The following COX7C variants were observed in gnomAD, a reference collection of about 807,000 sequenced individuals.
COX7C encodes the protein cytochrome c oxidase subunit 7C.
A neutral mutation model predicts 6.4 loss-of-function variants in COX7C; 1 was observed. The ratio of observed to expected loss-of-function variants is 0.16; its 90% confidence interval spans 0.06 to 0.74. COX7C has a LOEUF of 0.74. Ranked by LOEUF, COX7C falls within the 30% of genes least tolerant of loss-of-function variation. COX7C has a pLI of 0.78. For synonymous variants in COX7C, 24 were observed against 28.9 expected, an observed-to-expected ratio of 0.83 and a Z score of 0.54; for missense variants, 54 against 73.7, an observed-to-expected ratio of 0.73 and a Z score of 0.98.
At chr5:86,620,566 GTAC>G in intron 2 of COX7C, 99 bp from the exon 3 acceptor site, 1 of 365,624 alleles carries the variant, frequency 2.7e-6, no homozygotes, top group Non-Finnish European at 5.9e-6. Flanking sequence ...GCTTTCTGAT[GTAC>G]TACTCAAACT....
chr5:86,619,594 G>A (rs1750077470), intron 2 of COX7C, 98 bp downstream of exon 2: 15 of 700,250 alleles, frequency 2.1e-5, no homozygotes, highest in Non-Finnish European at 3.1e-5. Flanking sequence ...TTGTTGTGTA[G>A]GGCTGATTCC....
intron 2 of COX7C, chr5:86,619,702 T>G (rs1254924104): frequency 1.9e-5 from 8 of 426,390 alleles, no homozygotes; most frequent in Admixed American, 3.7e-5. Context: ...CTACTGCTTA[T>G]CAGGTACACT....
At chr5:86,618,407 C>G (rs189254918) in intron 1 of COX7C, 3 of 436,910 alleles carry the variant, frequency 6.9e-6, no homozygotes, top group Non-Finnish European at 8.4e-6. Context: ...GAGATGGCTC[C>G]GGGAGGCCAC....
rs1750105423 is a variant in COX7C at position 86,620,844 on chromosome 5, G to T, written c.*204G>T. 5.0e-6 allele frequency: 1 copy of T among 201,008 alleles called. No homozygotes were observed. Among genetic ancestry groups the T allele is most frequent in the Non-Finnish European group, 1.1e-5 (1 of 91,766 alleles). The allele number at this position is 201,008 out of a possible 1,614,324, so 12.5% of individuals were successfully genotyped here. On this transcript the variant is annotated 3_prime_UTR_variant, in exon 3 of 3. Coordinates refer to ENST00000247655, the MANE Select transcript of COX7C (RefSeq NM_001867.3). ...ACTTTATTATTTGGGTAACATTCCA[G>T]TATTACTCTCTGTGATTTAGCTTAT...
intron 2 of COX7C, chr5:86,619,774 A>G: frequency 4.1e-6 from 1 of 245,960 alleles, no homozygotes; most frequent in Non-Finnish European, 8.0e-6. Flanking sequence ...ACCCCATCTG[A>G]GACACAGAGA....
intron 1 of COX7C, 33 bp downstream of exon 1, chr5:86,618,163 G>A: frequency 1.2e-6 from 2 of 1,607,500 alleles, no homozygotes; most frequent in Admixed American, 1.7e-5. Context: ...TTCGTTGGGG[G>A]AGGGGGCGCT....
chr5:86,619,764 A>C, intron 2 of COX7C: 1 of 258,278 alleles, frequency 3.9e-6, no homozygotes, highest in Non-Finnish European at 7.6e-6. Flanking sequence ...GATGATAGTA[A>C]CCCCATCTGA....
In COX7C at chr5:86,618,293, TG is replaced by T. The variant is rs775357645; in HGVS notation, c.75+166del. On this transcript the variant is annotated intron_variant, in intron 1 of 2. Transcript: ENST00000247655. ...TTAGCCCAAGGACCAGTGAGGAAGC[TG>T]GGCATCCTAGCGCGTAGCCGCTAAA... 9.6e-5 allele frequency: 63 copies of T among 657,292 alleles called. 1 individual carries two copies. The highest frequency in any genetic ancestry group is 1.7e-4 in the Non-Finnish European group (62 of 373,620). The allele number at this position is 657,292 out of a possible 1,614,324, so 40.7% of individuals were successfully genotyped here.
chr5:86,618,978 CAAAAAAAAAA>C lies in COX7C; in HGVS notation c.76-369_76-360del, dbSNP rs368187717. 1.1e-3 allele frequency among the ~76,000 whole-genome samples: 69 copies of C among 62,458 alleles called. No homozygotes were observed. The South Asian group carries it at 0.019, about 17-fold the overall frequency. The allele number at this position is 62,458 out of a possible 152,430, so 41.0% of individuals were successfully genotyped here. ...GCCTGGACAGAGCGGGACTCCGTCT[CAAAAAAAAAA>C]AAAAAGAAAAAAAAAGAGCTGTATT... On this transcript the variant is annotated intron_variant, in intron 1 of 2. Coordinates refer to ENST00000247655, the MANE Select transcript of COX7C (RefSeq NM_001867.3).
At position 86,618,114 on chromosome 5, in the gene COX7C, A is replaced by T. The variant is rs760041967; in HGVS notation, c.59A>T (p.Glu20Val). Residue 20 changes from glutamate (E) to valine (V), a missense_variant, in exon 1 of 3, where the codon GAG becomes GTG. Transcript: ENST00000247655. ...TCTGTGGTCCGTAGGAGCCACTATG[A>T]GGAGGGCCCTGGGAAGGTTAGTGTG... Reference protein sequence around the residue: ...TTSVVRRSHYEEGPGKNLPFS... With the variant: ...TTSVVRRSHYVEGPGKNLPFS... The T allele has an allele frequency of 3.1e-6, 5 of 1,614,080 alleles. No homozygotes were observed. The highest frequency in any genetic ancestry group is 4.2e-6 in the Non-Finnish European group (5 of 1,179,992).
intron 1 of COX7C, 169 bp downstream of exon 1, chr5:86,618,299 T>A: frequency 1.6e-6 from 1 of 634,668 alleles, no homozygotes; most frequent in East Asian, 2.9e-5. Context: ...AAGCTGGGCA[T>A]CCTAGCGCGT....
rs769868698 is a variant in COX7C at position 86,618,005 on chromosome 5, A to G, written c.-51A>G. ...AAAAAGGTCTTGGTGAGGTGCCGCC[A>G]TTTCATCTGTCCTCATTCTCTGCGC... On this transcript the variant is annotated 5_prime_UTR_variant, in exon 1 of 3. Coordinates refer to ENST00000247655, the MANE Select transcript of COX7C (RefSeq NM_001867.3). 13 of 1,583,780 alleles carry G rather than the reference A, an allele frequency of 8.2e-6. No individual in the cohort carries two copies. Among genetic ancestry groups the G allele is most frequent in the Admixed American group, 5.0e-5 (3 of 59,720 alleles).
chr5:86,617,959 C>A lies in COX7C; in HGVS notation c.-97C>A. ...CATCTTTCTTTTCAGTCCTTGCGCA[C>A]CGGGGAACAAGGTCGTGAAAAAAAA... On this transcript the variant is annotated 5_prime_UTR_variant, in exon 1 of 3. Transcript: ENST00000247655. 2 of 1,142,396 alleles carry A rather than the reference C, an allele frequency of 1.8e-6. No homozygotes were observed. Among genetic ancestry groups the A allele is most frequent in the Admixed American group, 4.0e-5 (2 of 50,248 alleles). The allele number at this position is 1,142,396 out of a possible 1,614,324, so 70.8% of individuals were successfully genotyped here. A position where few individuals can be genotyped will look rare whatever the true frequency, so the allele number is the denominator to read the frequency against.
intron 1 of COX7C, 198 bp downstream of exon 1, chr5:86,618,328 C>G: frequency 1.8e-6 from 1 of 568,264 alleles, no homozygotes; most frequent in South Asian, 2.1e-5. Context: ...AAGGAATGGG[C>G]AGGTAGATCC....
In COX7C at chr5:86,618,616, A is replaced by G. The variant is rs1750051531; in HGVS notation, c.75+486A>G. 2.0e-5 allele frequency among the ~76,000 whole-genome samples: 3 copies of G among 152,156 alleles called. 1 individual carries two copies. The highest frequency in any genetic ancestry group is 4.1e-4 in the South Asian group (2 of 4,828). ...GTGTAAATAACTTAAACCACATAGC[A>G]GTAACAATCTCGGAGGGTCACACGA... On this transcript the variant is annotated intron_variant, in intron 1 of 2. Transcript: ENST00000247655.
intron 1 of COX7C, 126 bp downstream of exon 1, chr5:86,618,256 C>T: frequency 1.2e-6 from 1 of 840,902 alleles, no homozygotes; most frequent in South Asian, 1.5e-5. Flanking sequence ...GAGACGCAGA[C>T]TAGCATTCCA....
intron 1 of COX7C, among the ~76,000 whole-genome samples, chr5:86,618,499 G>A (rs368708916): frequency 1.3e-5 from 2 of 152,196 alleles, no homozygotes; most frequent in East Asian, 3.9e-4. Flanking sequence ...GAGGAAATCA[G>A]GGCCTCTGGT....
rs561640827 is a variant in COX7C at position 86,619,812 on chromosome 5, A to G, written c.*27+316A>G. On this transcript the variant is annotated intron_variant, in intron 2 of 2. Transcript: ENST00000247655. Reference sequence around the variant, plus strand: ...TTAAGTTGTTCAACATCTCATAACTAGTATAATGGTGGACCAGGACTCTTG... The same window carrying G: ...TTAAGTTGTTCAACATCTCATAACTGGTATAATGGTGGACCAGGACTCTTG... 1.5e-5 allele frequency: 3 copies of G among 202,570 alleles called. No homozygotes were observed. The East Asian group carries it at 3.4e-4, about 23-fold the overall frequency. 12.5% of individuals were successfully genotyped at this position (202,570 alleles called of 1,614,324 possible).
intron 2 of COX7C, 104 bp downstream of exon 2, chr5:86,619,600 A>T: frequency 5.9e-6 from 4 of 681,948 alleles, no homozygotes; most frequent in Non-Finnish European, 1.1e-5. Flanking sequence ...TGTAGGGCTG[A>T]TTCCTGAGGT....
Sources: allele counts gnomAD v4.1 joint callset (sites outside exome capture counted in the v4.1 genomes callset), GRCh38; gene constraint gnomAD v4.1.1; transcripts MANE v1.5; gene names NCBI Gene and HGNC (gene_info 2026-07-23, HGNC 2026-07-21).